Variants in ADAM10 observed in about 807,000 individuals in gnomAD.
The protein encoded by ADAM10 is disintegrin and metalloproteinase domain-containing protein 10.
A neutral mutation model predicts 90.1 loss-of-function variants in ADAM10; 17 were observed. The observed-to-expected ratio is 0.19, with a 90% CI of 0.13 to 0.28. ADAM10 has a LOEUF of 0.28. Ranked by LOEUF, ADAM10 falls within the 10% of genes least tolerant of loss-of-function variation. The pLI is 1.00. For synonymous variants in ADAM10, 310 were observed against 298.6 expected, an observed-to-expected ratio of 1.04 and a Z score of -0.40; for missense variants, 610 against 914.3, an observed-to-expected ratio of 0.67 and a Z score of 4.29.
rs1290298215 is a variant in ADAM10 at position 58,625,986 on chromosome 15, G to C, written c.1360+1714C>G. On this transcript the variant is annotated intron_variant, in intron 10 of 15. Coordinates refer to ENST00000260408, the MANE Select transcript of ADAM10 (RefSeq NM_001110.4). Reference sequence around the variant, plus strand: ...TACATATGGAGAACAGGGTAGCAGGGGGGAGGAAGGGACAACAGAAGGGAG... The same window carrying C: ...TACATATGGAGAACAGGGTAGCAGGCGGGAGGAAGGGACAACAGAAGGGAG... 3.3e-5 allele frequency among the ~76,000 whole-genome samples: 5 copies of C among 152,082 alleles called. No homozygotes were observed. The South Asian group carries it at 8.3e-4, about 25-fold the overall frequency.
chr15:58,703,230 C>G (rs1246741692), intron 2 of ADAM10, among the ~76,000 whole-genome samples: 2 of 147,634 alleles, frequency 1.4e-5, no homozygotes, highest in Non-Finnish European at 3.0e-5. Flanking sequence ...GTCAGAAAAA[C>G]TGCAGTATAT....
intron 1 of ADAM10, among the ~76,000 whole-genome samples, chr15:58,736,021 A>G (rs1258624297): frequency 6.6e-6 from 1 of 152,206 alleles, no homozygotes; most frequent in Non-Finnish European, 1.5e-5. Context: ...ATGGAAAATG[A>G]CAGCTTCCAC....
chr15:58,642,695 A>C (rs1896449230), intron 7 of ADAM10, among the ~76,000 whole-genome samples: 1 of 152,190 alleles, frequency 6.6e-6, no homozygotes, highest in African/African-American at 2.4e-5. Flanking sequence ...GTGCGTCACT[A>C]AAATGTGTTC....
At chr15:58,687,406 G>A (rs1355040873) in intron 2 of ADAM10, among the ~76,000 whole-genome samples, 1 of 152,134 alleles carries the variant, frequency 6.6e-6, no homozygotes, top group Non-Finnish European at 1.5e-5. Context: ...CATTGTAAAT[G>A]ATTAAAAACT....
intron 5 of ADAM10, among the ~76,000 whole-genome samples, chr15:58,646,513 T>C (rs1455621764): frequency 6.6e-6 from 1 of 152,174 alleles, no homozygotes; most frequent in African/African-American, 2.4e-5. Flanking sequence ...CTACCTCACA[T>C]CTAATACCCA....
chr15:58,727,615 A>G (rs76819177), intron 1 of ADAM10, among the ~76,000 whole-genome samples: 14,049 of 152,272 alleles, frequency 0.092, 894 homozygotes, highest in Non-Finnish European at 0.14. Flanking sequence ...TACAGGCATG[A>G]GATGACACGC....
intron 1 of ADAM10, among the ~76,000 whole-genome samples, chr15:58,740,364 G>A (rs998730760): frequency 1.1e-4 from 16 of 150,604 alleles, no homozygotes; most frequent in African/African-American, 2.9e-4. Flanking sequence ...AGCCAAGATC[G>A]CACCACTGCA....
chr15:58,599,871 A>C, intron 14 of ADAM10, 147 bp from the exon 15 acceptor site: 3 of 665,280 alleles, frequency 4.5e-6, no homozygotes, highest in Non-Finnish European at 7.2e-6. Context: ...CATATGTTAG[A>C]TATTTGCACA....
At chr15:58,680,714 A>C (rs12592332) in intron 3 of ADAM10, among the ~76,000 whole-genome samples, 43,184 of 152,088 alleles carry the variant, frequency 0.28, 8,782 homozygotes, top group African/African-American at 0.57. Flanking sequence ...AAAAATCAGG[A>C]CTTCCACAAT....
chr15:58,744,167 C>G (rs1452588779), intron 1 of ADAM10, among the ~76,000 whole-genome samples: 2 of 149,724 alleles, frequency 1.3e-5, no homozygotes, highest in African/African-American at 4.9e-5. Flanking sequence ...CACATCATTC[C>G]AACTGTTTAG....
intron 1 of ADAM10, among the ~76,000 whole-genome samples, chr15:58,734,449 C>T (rs900020070): frequency 7.9e-5 from 12 of 152,198 alleles, no homozygotes; most frequent in African/African-American, 2.9e-4. Context: ...GAATTACCTT[C>T]ATCATAAACA....
At chr15:58,603,599 T>C (rs1192565351) in intron 14 of ADAM10, among the ~76,000 whole-genome samples, 1 of 152,128 alleles carries the variant, frequency 6.6e-6, no homozygotes, top group Non-Finnish European at 1.5e-5. Context: ...TTTATGAAAA[T>C]ATGGCCATCA....
intron 4 of ADAM10, among the ~76,000 whole-genome samples, chr15:58,676,496 A>G (rs1596057181): frequency 2.6e-5 from 4 of 152,344 alleles, no homozygotes; most frequent in Admixed American, 6.5e-5. Context: ...TAAAGTAATT[A>G]TTAAATTTAG....
intron 1 of ADAM10, among the ~76,000 whole-genome samples, chr15:58,737,341 A>G (rs1392181020): frequency 2.0e-5 from 3 of 152,086 alleles, no homozygotes; most frequent in Admixed American, 1.3e-4. Context: ...AAATGTAAAC[A>G]TTTTTTCACA....
chr15:58,618,124 T>C (rs1209710202), intron 11 of ADAM10, among the ~76,000 whole-genome samples: 4 of 152,068 alleles, frequency 2.6e-5, no homozygotes, highest in Non-Finnish European at 4.4e-5. Context: ...TTTCAAAATA[T>C]ACTACAAAGC....
At chr15:58,653,470 AT>A (rs1455137206) in intron 5 of ADAM10, among the ~76,000 whole-genome samples, 1 of 152,160 alleles carries the variant, frequency 6.6e-6, no homozygotes, top group African/African-American at 2.4e-5. Flanking sequence ...ATCAATTGAA[AT>A]TATCGTATAA....
chr15:58,644,100 C>A, intron 6 of ADAM10, 122 bp from the exon 7 acceptor site: 1 of 725,814 alleles, frequency 1.4e-6, no homozygotes. Context: ...AAAATGTCAA[C>A]ATTATATACT....
At chr15:58,713,176 C>T (rs187658805) in intron 2 of ADAM10, among the ~76,000 whole-genome samples, 189 of 152,258 alleles carry the variant, frequency 1.2e-3, no homozygotes, top group Non-Finnish European at 2.3e-3. Context: ...TCATGGCTCA[C>T]GGCAGCCTCA....
chr15:58,726,775 G>A (rs1899045206), intron 1 of ADAM10, among the ~76,000 whole-genome samples: 1 of 151,476 alleles, frequency 6.6e-6, no homozygotes, highest in African/African-American at 2.4e-5. Context: ...TGAGGTGGGA[G>A]GACTGCTTGA....
Sources: gnomAD v4.1 joint callset for allele counts (sites outside exome capture counted in the v4.1 genomes callset) on GRCh38, gnomAD v4.1.1 for gene constraint, MANE v1.5 for transcripts, NCBI Gene and HGNC (gene_info 2026-07-23, HGNC 2026-07-21) for gene names.